The following SLC22A12 variants were observed in gnomAD, a reference collection of about 807,000 sequenced individuals.
SLC22A12 encodes the protein organic anion transporter 4-like protein.
Under a neutral mutation model 52.7 loss-of-function variants are expected in SLC22A12, and 56 were observed. That is an observed-to-expected ratio of 1.06 (90% CI 0.86 to 1.33). The LOEUF (loss-of-function observed/expected upper bound fraction) is 1.33, where lower values mean the gene tolerates loss of function less well. SLC22A12 is among the 40% of genes most tolerant of loss of function. The pLI, the probability that SLC22A12 is intolerant of heterozygous loss-of-function variation, is 0.00. For synonymous variants in SLC22A12, 337 were observed against 324.6 expected, an observed-to-expected ratio of 1.04 and a Z score of -0.41; for missense variants, 683 against 741.5, an observed-to-expected ratio of 0.92 and a Z score of 0.92.
chr11:64,600,577 G>A, intron 8 of SLC22A12, 102 bp downstream of exon 8: 1 of 1,348,180 alleles, frequency 7.4e-7, no homozygotes, highest in South Asian at 1.3e-5. Flanking sequence ...TTCATGTCAT[G>A]CATCTCCCTC....
intron 6 of SLC22A12, 92 bp from the exon 7 acceptor site, chr11:64,599,584 A>AGCCCCC: frequency 7.1e-5 from 28 of 397,084 alleles, no homozygotes; most frequent in East Asian, 2.3e-4. Context: ...GCACACCCCC[A>AGCCCCC]CCCTGAGCCC....
rs116370177 is a variant in SLC22A12 at position 64,600,018 on chromosome 11, G to A, written c.1285+128G>A. ...TGGTAGGAAGGAGGCTGCCGGAGCC[G>A]TCTAGGGACAGACGGCAGTGTCTGC... is the stretch of plus-strand genomic sequence containing the variant. On this transcript the variant is annotated intron_variant, in intron 7 of 9. Coordinates refer to ENST00000377574, the MANE Select transcript of SLC22A12 (RefSeq NM_144585.4). 2,037 of 1,168,950 alleles carry A rather than the reference G, an allele frequency of 1.7e-3. 21 individuals are homozygous for A. In the African/African-American group the frequency reaches 0.025, roughly 14 times the overall value. The allele number at this position is 1,168,950 out of a possible 1,614,324, so 72.4% of individuals were successfully genotyped here.
chr11:64,591,237 T>C lies in SLC22A12; in HGVS notation c.-320T>C. 1 of 396,766 alleles carries C rather than the reference T, an allele frequency of 2.5e-6. No homozygotes were observed. Among genetic ancestry groups the C allele is most frequent in the Non-Finnish European group, 4.6e-6 (1 of 217,842 alleles). The allele number at this position is 396,766 out of a possible 1,614,324, so 24.6% of individuals were successfully genotyped here. On this transcript the variant is annotated 5_prime_UTR_variant, in exon 1 of 10. Coordinates refer to ENST00000377574, the MANE Select transcript of SLC22A12 (RefSeq NM_144585.4). Reference sequence around the variant, plus strand: ...TTAATTCCAGTCTAAAATTAAAGTCTTCAGTCTCCACATTCCCTACTTTCC... The same window carrying C: ...TTAATTCCAGTCTAAAATTAAAGTCCTCAGTCTCCACATTCCCTACTTTCC...
chr11:64,598,649 G>T lies in SLC22A12; in HGVS notation c.954+10G>T, dbSNP rs1189262620. On this transcript the variant is annotated intron_variant, in intron 5 of 9. Coordinates refer to ENST00000377574, the MANE Select transcript of SLC22A12 (RefSeq NM_144585.4). ...CACCCTGACCCCTGAGGTAAGGCTG[G>T]GTCCTCCTCAAACCCGGACCCTCAG... 6.2e-7 allele frequency: 1 copy of T among 1,609,048 alleles called. No homozygotes were observed. Among genetic ancestry groups the T allele is most frequent in the African/African-American group, 1.3e-5 (1 of 74,796 alleles).
chr11:64,596,428 A>G lies in SLC22A12; in HGVS notation c.831-2088A>G, dbSNP rs2039247705. On this transcript the variant is annotated intron_variant, in intron 4 of 9. Coordinates refer to ENST00000377574, the MANE Select transcript of SLC22A12 (RefSeq NM_144585.4). ...GGTTGAATGGATGGATAGGTGGATT[A>G]ATTGGATGAACTGGATGGATGAATG... Among the ~76,000 whole-genome samples, 4 of 151,764 alleles carry G rather than the reference A, an allele frequency of 2.6e-5. No individual in the cohort carries two copies. In the South Asian group the frequency reaches 8.5e-4, roughly 32 times the overall value.
Position 64,591,737 on chromosome 11 carries a change from G to T in SLC22A12, c.181G>T (p.Ala61Ser). 1 of 1,612,782 alleles carries T rather than the reference G, an allele frequency of 6.2e-7. No individual in the cohort carries two copies. Reference protein sequence around the residue: ...APLLDNSTAQASILGSLSPEA... With the variant: ...APLLDNSTAQSSILGSLSPEA... ...CCTCCTGGACAACAGCACGGCTCAGGCCAGCATCCTAGGGAGCTTGAGTCC... is the reference window on the plus strand; with the variant it reads ...CCTCCTGGACAACAGCACGGCTCAGTCCAGCATCCTAGGGAGCTTGAGTCC... Residue 61 changes from alanine to serine, a missense_variant, in exon 1 of 10, where the codon GCC becomes TCC. Ala to Ser is a moderately conservative substitution (Grantham distance 99). Transcript: ENST00000377574.
chr11:64,602,255 G>C lies in SLC22A12; in HGVS notation c.*704G>C, dbSNP rs1332213141. The C allele has an allele frequency of 6.1e-6, 1 of 163,560 alleles. No individual in the cohort carries two copies. The allele number at this position is 163,560 out of a possible 1,614,324, so 10.1% of individuals were successfully genotyped here. On this transcript the variant is annotated 3_prime_UTR_variant, in exon 10 of 10. Coordinates refer to ENST00000377574, the MANE Select transcript of SLC22A12 (RefSeq NM_144585.4). ...AGCCTATGAGTTCCCAGAGGGTTGG[G>C]GCAGTCCCATGACCCCATGTCCCAG... is the stretch of plus-strand genomic sequence containing the variant.
chr11:64,600,424 C>A lies in SLC22A12; in HGVS notation c.1343C>A (p.Ala448Asp), dbSNP rs878865820. 6.2e-7 allele frequency: 1 copy of A among 1,608,156 alleles called. No individual in the cohort carries two copies. The highest frequency in any genetic ancestry group is 1.1e-5 in the South Asian group (1 of 90,236). Reference sequence around the variant, plus strand: ...CTGGGGCTGGGCGGGGTGGGGGCTGCCTTCACCTGCATCACCATCTACAGC... The same window carrying A: ...CTGGGGCTGGGCGGGGTGGGGGCTGACTTCACCTGCATCACCATCTACAGC... ...AVLGLGGVGA[A>D]FTCITIYSSE... is the part of the protein sequence containing the mutation. The change falls in exon 8 of 10, where the codon GCC (alanine) becomes GAC (aspartate). Residue 448 changes from alanine to aspartate, a missense_variant. Physicochemically the swap from Ala to Asp is moderately radical, Grantham distance 126. Coordinates refer to ENST00000377574, the MANE Select transcript of SLC22A12 (RefSeq NM_144585.4).
Position 64,592,893 on chromosome 11 carries a change from C to A in SLC22A12, c.506+11C>A. 6.2e-7 allele frequency: 1 copy of A among 1,610,498 alleles called. No individual in the cohort carries two copies. On this transcript the variant is annotated intron_variant, in intron 2 of 9. Transcript: ENST00000377574. ...CCCTGCCTCAGACAGGTGAGTACCCCCAGTCCAGGCAGGTCCCAGTTCCCC... is the reference window on the plus strand; with the variant it reads ...CCCTGCCTCAGACAGGTGAGTACCCACAGTCCAGGCAGGTCCCAGTTCCCC...
chr11:64,600,563 G>A, intron 8 of SLC22A12, 88 bp downstream of exon 8: 1 of 1,370,562 alleles, frequency 7.3e-7, no homozygotes, highest in Non-Finnish European at 1.0e-6. Flanking sequence ...CCCAGACCTA[G>A]ATGTTCATGT....
rs781430958 is a variant in SLC22A12 at position 64,593,559 on chromosome 11, C to T, written c.661C>T (p.Leu221=). 46 of 1,614,190 alleles carry T rather than the reference C, an allele frequency of 2.8e-5. No individual in the cohort carries two copies. In the East Asian group the frequency reaches 7.8e-4, roughly 27 times the overall value. Residue 221 remains leucine (L), a splice_region_variant and synonymous_variant, in exon 3 of 10, where the codon CTG becomes TTG. Transcript: ENST00000377574. ...AGVMMNTGTL[L]MEWTAARARP... is the part of the protein sequence containing the mutation. ...CGTCATGATGAACACGGGCACTCTC[C>T]GTAGGTCTCTGACCTGGCGCCATGC...
rs761993028 is a variant in SLC22A12 at position 64,598,797 on chromosome 11, C to G, written c.955-11C>G. ...CCCCAGTGCCAACAGCACCCACCCC[C>G]GCCTCCACAGGTCTTGCTTTCAGCC... On this transcript the variant is annotated splice_polypyrimidine_tract_variant and intron_variant, in intron 5 of 9. Coordinates refer to ENST00000377574, the MANE Select transcript of SLC22A12 (RefSeq NM_144585.4). 1 of 1,612,244 alleles carries G rather than the reference C, an allele frequency of 6.2e-7. No homozygotes were observed.
chr11:64,592,693 C>A, intron 1 of SLC22A12, 86 bp from the exon 2 acceptor site: 1 of 1,126,724 alleles, frequency 8.9e-7, no homozygotes, highest in South Asian at 1.2e-5. Flanking sequence ...GCACCCAGCT[C>A]CCTGGGGGCC....
chr11:64,595,025 G>GGGT (rs2135449940), intron 4 of SLC22A12, among the ~76,000 whole-genome samples: 2 of 36,094 alleles, frequency 5.5e-5, no homozygotes, highest in Admixed American at 7.7e-4. Context: ...ATGGATGGTT[G>GGGT]GAATAGATGG....
chr11:64,600,364 C>G lies in SLC22A12; in HGVS notation c.1286-3C>G. 2 of 1,598,260 alleles carry G rather than the reference C, an allele frequency of 1.3e-6. No homozygotes were observed. Among genetic ancestry groups the G allele is most frequent in the Non-Finnish European group, 1.7e-6 (2 of 1,174,858 alleles). On this transcript the variant is annotated splice_region_variant and splice_polypyrimidine_tract_variant and intron_variant, in intron 7 of 9. Coordinates refer to ENST00000377574, the MANE Select transcript of SLC22A12 (RefSeq NM_144585.4). ...AGCTCACTAATCCCATCTCTACCCA[C>G]AGAAATGGGGGCTCTGCGCTCAGCC...
At chr11:64,592,734 G>A in intron 1 of SLC22A12, 45 bp from the exon 2 acceptor site, 3 of 1,527,110 alleles carry the variant, frequency 2.0e-6, no homozygotes, top group Non-Finnish European at 2.7e-6. Context: ...CTCTCTGCTG[G>A]GGCTCTCCCA....
Position 64,591,618 on chromosome 11 carries a change from C to A in SLC22A12, c.62C>A (p.Thr21Lys), listed in dbSNP as rs1488921348. ...GGLGRFQVLQ[T>K]MALMVSIMWL... ...CTGGGCAGGTTCCAGGTTCTCCAGA[C>A]GATGGCTCTGATGGTCTCCATCATG... The change falls in exon 1 of 10, where the codon ACG (threonine) becomes AAG (lysine). Residue 21 changes from threonine (T) to lysine (K), a missense_variant. By Grantham distance (78) the Thr-to-Lys change is moderately conservative. Transcript: ENST00000377574. 5 of 1,613,258 alleles carry A rather than the reference C, an allele frequency of 3.1e-6. No individual in the cohort carries two copies. The highest frequency in any genetic ancestry group is 2.5e-6 in the Non-Finnish European group (3 of 1,180,028).
chr11:64,595,771 T>C (rs111164211), intron 4 of SLC22A12, among the ~76,000 whole-genome samples: 9 of 117,448 alleles, frequency 7.7e-5, no homozygotes, highest in African/African-American at 3.0e-4. Context: ...GGATGGATGG[T>C]TGGAATGGAT....
intron 7 of SLC22A12, among the ~76,000 whole-genome samples, 161 bp from the exon 8 acceptor site, chr11:64,600,206 T>A (rs1220882639): frequency 6.6e-6 from 1 of 152,164 alleles, no homozygotes; most frequent in Non-Finnish European, 1.5e-5. Context: ...AGATTGTGGG[T>A]GTGGCCATGA....
Sources: allele counts gnomAD v4.1 joint callset (sites outside exome capture counted in the v4.1 genomes callset), GRCh38; gene constraint gnomAD v4.1.1; transcripts MANE v1.5; gene names NCBI Gene and HGNC (gene_info 2026-07-23, HGNC 2026-07-21).